CTNNA1: variants seen among roughly 807,000 people sequenced by gnomAD.
CTNNA1 encodes the protein catenin alpha-1.
In CTNNA1, 37 loss-of-function variants were observed where a neutral mutation model predicts 98.4. That is an observed-to-expected ratio of 0.38 (90% CI 0.29 to 0.49). The LOEUF (loss-of-function observed/expected upper bound fraction) is 0.49, where lower values mean the gene tolerates loss of function less well. Among genes scored for constraint, CTNNA1 ranks in the 20% least tolerant of loss-of-function variants. The probability of loss-of-function intolerance (pLI) is 0.95; values close to 1 mark genes in which losing one functional copy is unlikely to be tolerated. For missense variants in CTNNA1, 761 were observed against 1,147.2 expected (o/e 0.66, Z 4.86); for synonymous variants, 404 against 413.2 (o/e 0.98, Z 0.27).
intron 3 of CTNNA1, among the ~76,000 whole-genome samples, chr5:138,808,766 C>T (rs998243582): frequency 6.6e-6 from 1 of 151,462 alleles, no homozygotes; most frequent in African/African-American, 2.4e-5. Flanking sequence ...CTGAAGTGGG[C>T]TTGCTTAGCC....
intron 5 of CTNNA1, among the ~76,000 whole-genome samples, chr5:138,821,394 T>G (rs146924922): frequency 4.3e-4 from 65 of 152,342 alleles, no homozygotes; most frequent in Non-Finnish European, 8.2e-4. Context: ...ATGTAATGCT[T>G]CTTATTTATT....
At chr5:138,923,799 G>A (rs1763408754) in intron 11 of CTNNA1, among the ~76,000 whole-genome samples, 1 of 152,208 alleles carries the variant, frequency 6.6e-6, no homozygotes, top group Admixed American at 6.5e-5. Flanking sequence ...TATAGTGTCA[G>A]GCTTTTTGCT....
intron 5 of CTNNA1, among the ~76,000 whole-genome samples, chr5:138,819,314 A>G (rs1007793450): frequency 1.3e-5 from 2 of 152,176 alleles, no homozygotes; most frequent in South Asian, 4.2e-4. Flanking sequence ...GGCCCTGGGG[A>G]GGGGAGGGAA....
intron 7 of CTNNA1, chr5:138,869,256 T>C (rs1318723801): frequency 6.6e-6 from 1 of 151,910 alleles, no homozygotes; most frequent in Non-Finnish European, 1.5e-5. Flanking sequence ...AATAGCAGAA[T>C]GAAAGCTTAA....
chr5:138,765,676 C>T (rs537365915), intron 1 of CTNNA1, among the ~76,000 whole-genome samples: 4 of 152,006 alleles, frequency 2.6e-5, no homozygotes, highest in East Asian at 1.9e-4. Context: ...TGGCGCTGGG[C>T]GAGGTGGCTC....
Position 138,895,503 on chromosome 5 carries a change from T to TGG in CTNNA1, c.1296+7870_1296+7871dup, listed in dbSNP as rs5871685. Among the ~76,000 whole-genome samples the TGG allele has an allele frequency of 7.5e-5, 11 of 146,368 alleles. No homozygotes were observed. In the South Asian group the frequency reaches 1.3e-3, roughly 18 times the overall value. On this transcript the variant is annotated intron_variant, in intron 9 of 17. Transcript: ENST00000302763. ...ACTGACATTGATTTGAGCAGTTTTTTGGGGGGGGGGATGGGAGTGGCTAGA... is the reference window on the plus strand; with the variant it reads ...ACTGACATTGATTTGAGCAGTTTTTTGGGGGGGGGGGGATGGGAGTGGCTAGA...
intron 13 of CTNNA1, among the ~76,000 whole-genome samples, chr5:138,927,460 A>G (rs575026456): frequency 2.7e-5 from 4 of 150,320 alleles, no homozygotes; most frequent in Admixed American, 1.3e-4. Context: ...CACGGCCTCT[A>G]TGCTGCCACC....
intron 4 of CTNNA1, among the ~76,000 whole-genome samples, chr5:138,811,701 C>T (rs1019533436): frequency 2.0e-5 from 3 of 151,982 alleles, no homozygotes; most frequent in Non-Finnish European, 2.9e-5. Flanking sequence ...GGATCACTCG[C>T]GGTTAGGAGC....
At chr5:138,808,200 C>G (rs941771475) in intron 3 of CTNNA1, among the ~76,000 whole-genome samples, 2 of 152,174 alleles carry the variant, frequency 1.3e-5, no homozygotes, top group Admixed American at 6.5e-5. Context: ...TTGTAATACT[C>G]TATAATTTGT....
intron 9 of CTNNA1, among the ~76,000 whole-genome samples, chr5:138,892,037 C>G (rs148672223): frequency 1.3e-5 from 2 of 152,188 alleles, no homozygotes; most frequent in African/African-American, 4.8e-5. Context: ...GAAGCCCCTT[C>G]CCTCCTTCGA....
intron 2 of CTNNA1, among the ~76,000 whole-genome samples, chr5:138,782,975 T>C (rs2034286857): frequency 6.6e-6 from 1 of 152,220 alleles, no homozygotes; most frequent in African/African-American, 2.4e-5. Flanking sequence ...AATAATTCTC[T>C]GTACACATTA....
intron 3 of CTNNA1, among the ~76,000 whole-genome samples, chr5:138,788,413 T>C (rs1035531777): frequency 5.3e-5 from 8 of 152,204 alleles, no homozygotes; most frequent in Non-Finnish European, 7.3e-5. Context: ...GAGAATCTTA[T>C]GTTTTTTTTA....
At chr5:138,932,356 G>A (rs560326892) in intron 16 of CTNNA1, 18 of 1,381,986 alleles carry the variant, frequency 1.3e-5, no homozygotes, top group African/African-American at 2.9e-5. Context: ...GCCATGCGGC[G>A]CAGTCAGGGT....
chr5:138,914,896 C>G (rs1215418262), intron 10 of CTNNA1, among the ~76,000 whole-genome samples: 5 of 152,050 alleles, frequency 3.3e-5, no homozygotes, highest in Non-Finnish European at 7.4e-5. Flanking sequence ...GCCTGTAATC[C>G]CAGCACTTTG....
Position 138,908,213 on chromosome 5 carries a change from C to T in CTNNA1, c.1389+3772C>T, listed in dbSNP as rs189183081. On this transcript the variant is annotated intron_variant, in intron 10 of 17. Coordinates refer to ENST00000302763, the MANE Select transcript of CTNNA1 (RefSeq NM_001903.5). ...AGGCTGATCCCACCCTCCTTGGCCT[C>T]CCAAAGTGCTGGGATTACAGGCATG... Among the ~76,000 whole-genome samples, 1,266 of 152,244 alleles carry T rather than the reference C, an allele frequency of 8.3e-3. 7 individuals carry two copies. Among genetic ancestry groups the T allele is most frequent in the Non-Finnish European group, 0.013 (897 of 68,006 alleles).
intron 3 of CTNNA1, among the ~76,000 whole-genome samples, chr5:138,798,495 T>C (rs1581054355): frequency 6.6e-6 from 1 of 152,364 alleles, no homozygotes; most frequent in Non-Finnish European, 1.5e-5. Flanking sequence ...GCCTTTTGTT[T>C]TTTTTATCCA....
chr5:138,769,660 G>T (rs1753317688), intron 1 of CTNNA1, among the ~76,000 whole-genome samples: 1 of 152,020 alleles, frequency 6.6e-6, no homozygotes, highest in East Asian at 1.9e-4. Flanking sequence ...AGCCTCCCGA[G>T]TTGCTGCGAT....
At chr5:138,861,373 G>A (rs1764261461) in intron 7 of CTNNA1, among the ~76,000 whole-genome samples, 1 of 152,134 alleles carries the variant, frequency 6.6e-6, no homozygotes, top group South Asian at 2.1e-4. Flanking sequence ...ACATGAAATA[G>A]TTACTAGTGC....
chr5:138,818,139 T>C (rs1217851464), intron 5 of CTNNA1, among the ~76,000 whole-genome samples: 1 of 151,672 alleles, frequency 6.6e-6, no homozygotes, highest in East Asian at 1.9e-4. Context: ...TTTTTCTTTT[T>C]TTTTTTTTCA....
Sources: gnomAD v4.1 joint callset for allele counts (sites outside exome capture counted in the v4.1 genomes callset) on GRCh38, gnomAD v4.1.1 for gene constraint, MANE v1.5 for transcripts, NCBI Gene and HGNC (gene_info 2026-07-23, HGNC 2026-07-21) for gene names.